RYR2: variants seen among roughly 807,000 people sequenced by gnomAD.
RYR2 encodes the protein ryanodine receptor 2.
RYR2 carries 227 observed loss-of-function variants against 601.1 expected under a neutral mutation model. The ratio of observed to expected loss-of-function variants is 0.38; its 90% CI spans 0.34 to 0.42. The LOEUF (loss-of-function observed/expected upper bound fraction) is 0.42, where lower values mean the gene tolerates loss of function less well. Ranked by LOEUF, RYR2 falls within the 10% of genes least tolerant of loss-of-function variation. RYR2 has a pLI of 1.00. For missense variants in RYR2, 4,646 were observed against 6,156.5 expected, an observed-to-expected ratio of 0.75 and a Z score of 8.21; for synonymous variants, 2,223 against 2,175.1, an observed-to-expected ratio of 1.02 and a Z score of -0.61.
At chr1:237,249,219 T>C (rs1687216079) in intron 1 of RYR2, among the ~76,000 whole-genome samples, 1 of 152,188 alleles carries the variant, frequency 6.6e-6, no homozygotes, top group Non-Finnish European at 1.5e-5. Flanking sequence ...AACCCAAATG[T>C]AGTTTTTATA....
At chr1:237,291,474 C>T (rs1440981348) in intron 2 of RYR2, among the ~76,000 whole-genome samples, 1 of 152,160 alleles carries the variant, frequency 6.6e-6, no homozygotes, top group Non-Finnish European at 1.5e-5. Flanking sequence ...TCCCCACAAA[C>T]ACCTGCACAT....
At chr1:237,482,198 C>T (rs80127105) in intron 17 of RYR2, among the ~76,000 whole-genome samples, 2,816 of 152,134 alleles carry the variant, frequency 0.019, 53 homozygotes, top group South Asian at 0.049. Flanking sequence ...AATCCAGTTA[C>T]GTTCTTTAAG....
At chr1:237,387,753 G>A (rs1702057525) in intron 9 of RYR2, among the ~76,000 whole-genome samples, 1 of 152,154 alleles carries the variant, frequency 6.6e-6, no homozygotes, top group Non-Finnish European at 1.5e-5. Context: ...TTTTACAAAG[G>A]AGCAGGGTTT....
chr1:237,801,991 G>T lies in RYR2; in HGVS notation c.14151+75G>T, dbSNP rs559909776. On this transcript the variant is annotated intron_variant, in intron 98 of 104. Transcript: ENST00000366574. ...ACTGTGGGAGTTCTGCAGATGGAAG[G>T]CTGGTTATTTAGAAAATGTTTCGAA... The T allele has an allele frequency of 7.4e-5, 64 of 861,370 alleles. No individual in the cohort carries two copies. The East Asian group carries it at 1.4e-3, about 19-fold the overall frequency. 53.4% of individuals were successfully genotyped at this position (861,370 alleles called of 1,614,324 possible).
At chr1:237,139,039 C>G (rs560273863) in intron 1 of RYR2, among the ~76,000 whole-genome samples, 6 of 152,274 alleles carry the variant, frequency 3.9e-5, no homozygotes, top group Non-Finnish European at 8.8e-5. Flanking sequence ...TATATATACC[C>G]TAGAGAAATG....
chr1:237,798,011 C>A, intron 96 of RYR2, 26 bp from the exon 97 acceptor site: 1 of 1,594,978 alleles, frequency 6.3e-7, no homozygotes, highest in Non-Finnish European at 8.5e-7. Flanking sequence ...TTGAAGCCAA[C>A]AAAATGCTTT....
rs1237583363 is a variant in RYR2 at position 237,648,432 on chromosome 1, T to C, written c.7343-12T>C. 6.3e-7 allele frequency: 1 copy of C among 1,590,024 alleles called. No individual in the cohort carries two copies. Among genetic ancestry groups the C allele is most frequent in the Non-Finnish European group, 8.6e-7 (1 of 1,166,440 alleles). ...ACAGCCATTGACACCAAAATTCACT[T>C]CTCTCTTTTAGATGGGAATGTGGTG... On this transcript the variant is annotated splice_polypyrimidine_tract_variant and intron_variant, in intron 48 of 104. Transcript: ENST00000366574.
chr1:237,810,709 A>G (rs1353984524), intron 100 of RYR2, among the ~76,000 whole-genome samples: 3 of 152,220 alleles, frequency 2.0e-5, no homozygotes, highest in Non-Finnish European at 4.4e-5. Flanking sequence ...GATCATTAGT[A>G]GTGTCCTGAT....
intron 27 of RYR2, among the ~76,000 whole-genome samples, chr1:237,558,200 T>A (rs775850909): frequency 1.3e-5 from 2 of 152,106 alleles, no homozygotes; most frequent in Non-Finnish European, 2.9e-5. Flanking sequence ...GAAGTAAAGA[T>A]TGAAGACGCT....
At chr1:237,781,494 T>C in intron 88 of RYR2, 71 bp from the exon 89 acceptor site, 1 of 764,754 alleles carries the variant, frequency 1.3e-6, no homozygotes, top group Non-Finnish European at 2.2e-6. Context: ...ATCCTTTTTG[T>C]GAGAATAAGT....
At chr1:237,802,941 T>C (rs1629566) in intron 98 of RYR2, among the ~76,000 whole-genome samples, 52,889 of 151,814 alleles carry the variant, frequency 0.35, 9,627 homozygotes, top group East Asian at 0.6. Context: ...CGTTCTGCTA[T>C]TTTAGTAGGC....
Position 237,641,020 on chromosome 1 carries a change from C to T in RYR2, c.7221+18C>T, listed in dbSNP as rs1159575503. On this transcript the variant is annotated intron_variant, in intron 47 of 104. Transcript: ENST00000366574. The stretch of plus-strand genomic sequence containing the variant: ...AGATGCATGTGAGTTTCTGGGAGTT[C>T]AGGAGCAGCAATCCTGATTTCTCTG... 5.7e-6 allele frequency: 9 copies of T among 1,575,332 alleles called. No individual in the cohort carries two copies. The highest frequency in any genetic ancestry group is 6.1e-6 in the Non-Finnish European group (7 of 1,151,554).
intron 1 of RYR2, among the ~76,000 whole-genome samples, chr1:237,072,356 T>G (rs554019290): frequency 6.6e-6 from 1 of 152,278 alleles, no homozygotes; most frequent in South Asian, 2.1e-4. Flanking sequence ...AACTCCACTT[T>G]CCACTGATCA....
intron 1 of RYR2, among the ~76,000 whole-genome samples, chr1:237,148,523 AAAAAATATATATATAT>A (rs1178764178): frequency 2.1e-4 from 10 of 48,286 alleles, no homozygotes; most frequent in Non-Finnish European, 4.0e-4. Context: ...AGTAAAAAAA[AAAAAATATATATATAT>A]ATATATATAT....
intron 101 of RYR2, among the ~76,000 whole-genome samples, chr1:237,826,564 C>T (rs1663113464): frequency 6.6e-6 from 1 of 152,050 alleles, no homozygotes; most frequent in Non-Finnish European, 1.5e-5. Context: ...ATGGGTACAG[C>T]AAAAACCACC....
chr1:237,498,011 C>T (rs1395838671), intron 20 of RYR2, among the ~76,000 whole-genome samples: 4 of 151,930 alleles, frequency 2.6e-5, no homozygotes, highest in Admixed American at 6.6e-5. Context: ...AACAGGCTTG[C>T]ACCACCATGC....
At chr1:237,165,466 C>CA (rs1198020145) in intron 1 of RYR2, among the ~76,000 whole-genome samples, 2 of 152,172 alleles carry the variant, frequency 1.3e-5, no homozygotes, top group African/African-American at 4.8e-5. Flanking sequence ...TTGAGACTGT[C>CA]AAAAATTGGG....
At position 237,716,673 on chromosome 1, in the gene RYR2, C is replaced by T. The variant is rs139372636; in HGVS notation, c.10324-525C>T. ...GTATATTACTTCTATTTCTACTAGA[C>T]GGGGACTGAGGCTCTAGGAAGACAA... On this transcript the variant is annotated intron_variant, in intron 71 of 104. Coordinates refer to ENST00000366574, the MANE Select transcript of RYR2 (RefSeq NM_001035.3). Among the ~76,000 whole-genome samples the T allele has an allele frequency of 9.9e-3, 1,511 of 151,978 alleles. 17 individuals are homozygous for T. The highest frequency in any genetic ancestry group is 0.02 in the Middle Eastern group (6 of 294).
intron 1 of RYR2, among the ~76,000 whole-genome samples, chr1:237,240,548 G>A (rs1211730910): frequency 1.3e-5 from 2 of 150,652 alleles, no homozygotes; most frequent in Non-Finnish European, 2.9e-5. Flanking sequence ...GATAAAATGA[G>A]CGTGTTCTAC....
Sources: gnomAD v4.1 joint callset for allele counts (sites outside exome capture counted in the v4.1 genomes callset) on GRCh38, gnomAD v4.1.1 for gene constraint, MANE v1.5 for transcripts, NCBI Gene and HGNC (gene_info 2026-07-23, HGNC 2026-07-21) for gene names.